The following KHDRBS2 variants were observed in gnomAD, a reference collection of about 807,000 sequenced individuals.
KHDRBS2 encodes KH RNA binding domain containing, signal transduction associated 2, also known as KH domain-containing, RNA-binding, signal transduction-associated protein 2.
In KHDRBS2, 26 loss-of-function variants were observed where a neutral mutation model predicts 44.3. The observed-to-expected ratio is 0.59, with a 90% CI of 0.43 to 0.81. The LOEUF (loss-of-function observed/expected upper bound fraction) is 0.81. KHDRBS2 is among the 40% of genes least tolerant of loss of function. The pLI, the probability that KHDRBS2 is intolerant of heterozygous loss-of-function variation, is 0.00. For synonymous variants in KHDRBS2, 194 were observed against 151.1 expected, an observed-to-expected ratio of 1.28 and a Z score of -2.08; for missense variants, 476 against 433.1, an observed-to-expected ratio of 1.10 and a Z score of -0.88.
intron 3 of KHDRBS2, among the ~76,000 whole-genome samples, chr6:62,025,529 AT>A (rs763199269): frequency 2.6e-5 from 4 of 151,798 alleles, no homozygotes; most frequent in African/African-American, 4.8e-5. Flanking sequence ...TAAAGGATAA[AT>A]TTTTTTTAAA....
the KHDRBS2 span, among the ~76,000 whole-genome samples, chr6:61,616,937 T>C: frequency 6.6e-6 from 1 of 152,212 alleles, no homozygotes. Context: ...ATGACTACTT[T>C]AATTCTCAGG....
At chr6:61,706,864 C>T (rs529983996) in intron 7 of KHDRBS2, among the ~76,000 whole-genome samples, 5 of 151,478 alleles carry the variant, frequency 3.3e-5, no homozygotes, top group Admixed American at 2.6e-4. Flanking sequence ...AGGAAATACA[C>T]AGTGAACAAA....
rs533536432 is a variant in KHDRBS2, at chr6:62,039,325, C to T, written c.336+8553G>A. Among the ~76,000 whole-genome samples, 5 of 151,202 alleles carry T rather than the reference C, an allele frequency of 3.3e-5. No individual in the cohort carries two copies. The East Asian group carries it at 5.9e-4, about 18-fold the overall frequency. ...CTAGAAATTATCTGTCTGCATTGAT[C>T]GCCATTAGAGGACAGCAGAAATATA... On this transcript the variant is annotated intron_variant, in intron 3 of 8. Coordinates refer to ENST00000281156, the MANE Select transcript of KHDRBS2 (RefSeq NM_152688.4).
intron 8 of KHDRBS2, among the ~76,000 whole-genome samples, chr6:61,695,432 T>A (rs1214155364): frequency 6.6e-6 from 1 of 152,116 alleles, no homozygotes; most frequent in Non-Finnish European, 1.5e-5. Flanking sequence ...CTAATGGAGG[T>A]TAGAGTAAAC....
At chr6:61,855,199 G>C (rs570357208) in intron 6 of KHDRBS2, among the ~76,000 whole-genome samples, 6 of 152,166 alleles carry the variant, frequency 3.9e-5, no homozygotes, top group Middle Eastern at 3.4e-3. Context: ...TGTAAATAAA[G>C]ATTAATTCTG....
intron 8 of KHDRBS2, among the ~76,000 whole-genome samples, chr6:61,682,367 A>G (rs1766396608): frequency 6.6e-6 from 1 of 151,896 alleles, no homozygotes; most frequent in Admixed American, 6.6e-5. Context: ...AAAAAATTAT[A>G]TCTCTTTCAC....
chr6:61,574,091 A>T, the KHDRBS2 span, among the ~76,000 whole-genome samples: 2 of 152,182 alleles, frequency 1.3e-5, no homozygotes, highest in Non-Finnish European at 2.9e-5. Context: ...CATATGTAAA[A>T]AAATGAAACT....
intron 7 of KHDRBS2, among the ~76,000 whole-genome samples, chr6:61,721,990 A>G (rs1157714507): frequency 4.0e-5 from 6 of 149,754 alleles, no homozygotes; most frequent in East Asian, 2.0e-4. Flanking sequence ...TAGCATGAAG[A>G]GTTGTTGAAT....
At chr6:62,091,012 G>A (rs1799394855) in intron 2 of KHDRBS2, among the ~76,000 whole-genome samples, 1 of 152,158 alleles carries the variant, frequency 6.6e-6, no homozygotes, top group Non-Finnish European at 1.5e-5. Context: ...GGGTGACACT[G>A]TAATTGGGAA....
chr6:61,580,150 A>G, the KHDRBS2 span, among the ~76,000 whole-genome samples: 4 of 152,332 alleles, frequency 2.6e-5, no homozygotes, highest in East Asian at 7.7e-4. Flanking sequence ...TTTCTTAGCT[A>G]TGATTGAAGT....
intron 1 of KHDRBS2, among the ~76,000 whole-genome samples, chr6:62,203,061 A>G (rs1047870579): frequency 6.6e-6 from 1 of 152,144 alleles, no homozygotes; most frequent in African/African-American, 2.4e-5. Flanking sequence ...ATTATTGTTC[A>G]GTAAAATTTA....
intron 1 of KHDRBS2, among the ~76,000 whole-genome samples, chr6:62,277,761 G>T (rs1302147396): frequency 6.6e-6 from 1 of 152,168 alleles, no homozygotes. Flanking sequence ...AAGGTAAATA[G>T]CCTAATGCTT....
intron 4 of KHDRBS2, among the ~76,000 whole-genome samples, chr6:61,970,100 A>G (rs1353267586): frequency 6.6e-6 from 1 of 152,004 alleles, no homozygotes; most frequent in African/African-American, 2.4e-5. Flanking sequence ...ATGTAGATAG[A>G]AATAACATAA....
chr6:61,728,710 A>G (rs888648221), intron 7 of KHDRBS2, among the ~76,000 whole-genome samples: 1 of 152,210 alleles, frequency 6.6e-6, no homozygotes, highest in Non-Finnish European at 1.5e-5. Flanking sequence ...AAATGTAGGT[A>G]GATGTATTAA....
rs540685984 is a variant in KHDRBS2, at chr6:61,705,021, T to C, written c.894-7768A>G. On this transcript the variant is annotated intron_variant, in intron 7 of 8. Coordinates refer to ENST00000281156, the MANE Select transcript of KHDRBS2 (RefSeq NM_152688.4). The stretch of plus-strand genomic sequence containing the variant: ...TTAAAACTGCTAAATGTAGTTTTTA[T>C]ACAACTTTGCAGGATAATTCTGGGC... Among the ~76,000 whole-genome samples, 35 of 151,976 alleles carry C rather than the reference T, an allele frequency of 2.3e-4. No individual in the cohort carries two copies. In the South Asian group the frequency reaches 6.4e-3, roughly 28 times the overall value.
intron 6 of KHDRBS2, among the ~76,000 whole-genome samples, chr6:61,789,979 A>G (rs1472668167): frequency 1.3e-5 from 2 of 151,468 alleles, no homozygotes; most frequent in Admixed American, 6.6e-5. Flanking sequence ...TTCTTGTGAA[A>G]TAATGTTTTA....
intron 7 of KHDRBS2, among the ~76,000 whole-genome samples, chr6:61,707,919 TAAAC>T (rs1302992687): frequency 1.3e-5 from 2 of 151,806 alleles, no homozygotes; most frequent in African/African-American, 4.8e-5. Flanking sequence ...TAAAAATTCT[TAAAC>T]AATCTCTTTT....
chr6:61,796,479 A>G (rs940153290), intron 6 of KHDRBS2, among the ~76,000 whole-genome samples: 1 of 152,042 alleles, frequency 6.6e-6, no homozygotes, highest in African/African-American at 2.4e-5. Flanking sequence ...AGAATTTGGT[A>G]TTAATTTCAG....
intron 3 of KHDRBS2, among the ~76,000 whole-genome samples, chr6:62,027,734 G>A (rs770337956): frequency 6.6e-6 from 1 of 152,100 alleles, no homozygotes; most frequent in Non-Finnish European, 1.5e-5. Context: ...AAAGTTTGGA[G>A]AGCATTCATG....
Sources: gnomAD v4.1 joint callset for allele counts (sites outside exome capture counted in the v4.1 genomes callset) on GRCh38, gnomAD v4.1.1 for gene constraint, MANE v1.5 for transcripts, NCBI Gene and HGNC (gene_info 2026-07-23, HGNC 2026-07-21) for gene names.